Variants in ATP2C2 observed in about 807,000 individuals in gnomAD.
ATP2C2 encodes ATPase secretory pathway Ca2+ transporting 2.
Under a neutral mutation model 110.8 loss-of-function variants are expected in ATP2C2, and 171 were observed. The observed-to-expected ratio is 1.54, with a 90% CI of 1.36 to 1.75. The LOEUF is 1.75. Among genes scored for constraint, ATP2C2 ranks in the 40% most tolerant of loss-of-function variants. The probability of loss-of-function intolerance (pLI) is 0.00; values close to 1 mark genes in which losing one functional copy is unlikely to be tolerated. For missense variants in ATP2C2, 1,963 were observed against 1,235.0 expected, an observed-to-expected ratio of 1.59 and a Z score of -8.84; for synonymous variants, 804 against 508.4, an observed-to-expected ratio of 1.58 and a Z score of -7.82.
At chr16:84,378,109 G>T (rs1190832420) in intron 1 of ATP2C2, among the ~76,000 whole-genome samples, 2 of 152,200 alleles carry the variant, frequency 1.3e-5, no homozygotes, top group African/African-American at 4.8e-5. Flanking sequence ...ATGACAGGCA[G>T]GCACTGCACC....
rs769375773 is a variant in ATP2C2, at chr16:84,461,773, GT to G, written c.2546del (p.Phe849SerfsTer7). On this transcript the variant is annotated frameshift_variant, in exon 25 of 27. Coordinates refer to ENST00000262429, the MANE Select transcript of ATP2C2 (RefSeq NM_014861.4). LOFTEE classifies it high-confidence loss of function. ...CGACGATGACGTTCACTTGTTTTGT[GT>G]TTTTCGATCTCTTCAACGCCTTGAC... is the stretch of plus-strand genomic sequence containing the variant. ...TTTMTFTCFVFFDLFNALTCR... is the reference protein window; with the variant it reads ...TTTMTFTCFVXFDLFNALTCR... The G allele has an allele frequency of 6.2e-7, 1 of 1,614,200 alleles. No homozygotes were observed. The highest frequency in any genetic ancestry group is 1.1e-5 in the South Asian group (1 of 91,084).
chr16:84,449,929 C>T (rs1418872430), intron 17 of ATP2C2, among the ~76,000 whole-genome samples: 1 of 152,244 alleles, frequency 6.6e-6, no homozygotes, highest in South Asian at 2.1e-4. Flanking sequence ...GTGTGCTGGG[C>T]ACCAGGTTAA....
At position 84,369,100 on chromosome 16, in the gene ATP2C2, A is replaced by G. The variant is rs140266776; in HGVS notation, c.99+386A>G. ...GGATTTTTAAAACTTAAATTGGAAA[A>G]TAAAATTAGAGGGATGCAAAAAACA... On this transcript the variant is annotated intron_variant, in intron 1 of 26. Transcript: ENST00000262429. Among the ~76,000 whole-genome samples, 567 of 152,366 alleles carry G rather than the reference A, an allele frequency of 3.7e-3. 2 individuals carry two copies. The highest frequency in any genetic ancestry group is 0.013 in the African/African-American group (536 of 41,582).
At chr16:84,427,257 G>A (rs1907886516) in intron 11 of ATP2C2, among the ~76,000 whole-genome samples, 1 of 152,078 alleles carries the variant, frequency 6.6e-6, no homozygotes, top group African/African-American at 2.4e-5. Flanking sequence ...ATGTCCATCA[G>A]CTCATTAAAG....
Position 84,418,978 on chromosome 16 carries a change from G to A in ATP2C2, c.624+3387G>A, listed in dbSNP as rs192207941. 3.9e-5 allele frequency among the ~76,000 whole-genome samples: 6 copies of A among 152,184 alleles called. No homozygotes were observed. In the East Asian group the frequency reaches 1.2e-3, roughly 29 times the overall value. On this transcript the variant is annotated intron_variant, in intron 7 of 26. Coordinates refer to ENST00000262429, the MANE Select transcript of ATP2C2 (RefSeq NM_014861.4). ...AATCCCAGCACTTTGGGAGGCTGAG[G>A]TGGGTGGATCACCTGAGGTCAGGAG...
rs1253273385 is a variant in ATP2C2, at chr16:84,395,278, C to T, written c.100-3221C>T. ...GGGAGGTCTCTGCATCCAACCCCCT[C>T]TCCCCTCCAGTGTCACTGCAGCATG... On this transcript the variant is annotated intron_variant, in intron 1 of 26. Coordinates refer to ENST00000262429, the MANE Select transcript of ATP2C2 (RefSeq NM_014861.4). 2.0e-5 allele frequency among the ~76,000 whole-genome samples: 3 copies of T among 152,122 alleles called. No individual in the cohort carries two copies. In the South Asian group the frequency reaches 6.2e-4, roughly 31 times the overall value.
chr16:84,428,908 C>T (rs1908018417), intron 11 of ATP2C2, among the ~76,000 whole-genome samples: 1 of 152,154 alleles, frequency 6.6e-6, no homozygotes, highest in Non-Finnish European at 1.5e-5. Flanking sequence ...TGTTTGGAAC[C>T]ATGAAAATGA....
At chr16:84,405,797 G>C (rs570831191) in intron 3 of ATP2C2, among the ~76,000 whole-genome samples, 1 of 152,282 alleles carries the variant, frequency 6.6e-6, no homozygotes, top group Admixed American at 6.5e-5. Context: ...GTGGATGCCT[G>C]TAATCCCAGC....
chr16:84,388,001 G>C (rs1904418352), intron 1 of ATP2C2, among the ~76,000 whole-genome samples: 1 of 151,818 alleles, frequency 6.6e-6, no homozygotes, highest in African/African-American at 2.4e-5. Flanking sequence ...GGTCTCGGGT[G>C]AGCCCACAGC....
At chr16:84,453,408 G>A (rs576143758) in intron 20 of ATP2C2, 37 bp downstream of exon 20, 3 of 1,612,936 alleles carry the variant, frequency 1.9e-6, no homozygotes, top group South Asian at 1.1e-5. Flanking sequence ...TGCGCTGCTG[G>A]GGCCGGGCCA....
intron 11 of ATP2C2, among the ~76,000 whole-genome samples, chr16:84,431,443 C>T (rs924549413): frequency 7.2e-5 from 11 of 152,032 alleles, no homozygotes; most frequent in African/African-American, 2.7e-4. Context: ...TTGCAGTGAG[C>T]CGACATCTCA....
At chr16:84,406,201 C>G (rs1025522372) in intron 3 of ATP2C2, among the ~76,000 whole-genome samples, 5 of 152,128 alleles carry the variant, frequency 3.3e-5, no homozygotes, top group Admixed American at 6.5e-5. Context: ...GAATGGCACA[C>G]AATCAAATGC....
At chr16:84,423,365 G>C (rs1441235075) in intron 10 of ATP2C2, 102 bp downstream of exon 10, 2 of 1,116,172 alleles carry the variant, frequency 1.8e-6, no homozygotes, top group Non-Finnish European at 2.7e-6. Flanking sequence ...CTACTCAGCT[G>C]CATAAGGCTT....
rs536233420 is a variant in ATP2C2 at position 84,391,153 on chromosome 16, G to C, written c.100-7346G>C. Among the ~76,000 whole-genome samples the C allele has an allele frequency of 1.4e-3, 213 of 150,724 alleles. 2 individuals are homozygous for C. The highest frequency in any genetic ancestry group is 5.0e-3 in the African/African-American group (204 of 41,208). ...AAAAAAAGAAGAAGAAGAAGGGAAG[G>C]TTTGGTTCTGCCTAAATCACCTGTG... On this transcript the variant is annotated intron_variant, in intron 1 of 26. Transcript: ENST00000262429.
rs184180628 is a variant in ATP2C2 at position 84,369,454 on chromosome 16, G to T, written c.99+740G>T. Among the ~76,000 whole-genome samples, 46 of 152,030 alleles carry T rather than the reference G, an allele frequency of 3.0e-4. No individual in the cohort carries two copies. In the East Asian group the frequency reaches 7.4e-3, roughly 24 times the overall value. Reference sequence around the variant, plus strand: ...CGTTGCATGCTTTAAGGTCAGGGGGGCACTGAATTTCTGCAGAAGCGTTTC... The same window carrying T: ...CGTTGCATGCTTTAAGGTCAGGGGGTCACTGAATTTCTGCAGAAGCGTTTC... On this transcript the variant is annotated intron_variant, in intron 1 of 26. Transcript: ENST00000262429.
chr16:84,407,594 C>T (rs1441899104), intron 3 of ATP2C2: 1 of 152,176 alleles, frequency 6.6e-6, no homozygotes, highest in Non-Finnish European at 1.5e-5. Context: ...CCTTAGCCTT[C>T]TGAGTAGTTG....
chr16:84,459,731 C>T, intron 23 of ATP2C2: 1 of 707,274 alleles, frequency 1.4e-6, no homozygotes, highest in Non-Finnish European at 2.3e-6. Context: ...TCAATCCCCT[C>T]ACCCTGCTGT....
chr16:84,390,026 C>G (rs1904557401), intron 1 of ATP2C2, among the ~76,000 whole-genome samples: 1 of 152,154 alleles, frequency 6.6e-6, no homozygotes, highest in Non-Finnish European at 1.5e-5. Flanking sequence ...TCCAGTCTCA[C>G]TTTCCTTTAT....
chr16:84,406,992 G>A (rs1905831427), intron 3 of ATP2C2, among the ~76,000 whole-genome samples: 1 of 152,322 alleles, frequency 6.6e-6, no homozygotes, highest in African/African-American at 2.4e-5. Flanking sequence ...CAGAGGACCT[G>A]CTCATTCATC....
Sources: allele counts gnomAD v4.1 joint callset (sites outside exome capture counted in the v4.1 genomes callset), GRCh38; gene constraint gnomAD v4.1.1; transcripts MANE v1.5; gene names NCBI Gene and HGNC (gene_info 2026-07-23, HGNC 2026-07-21).